The following IGF2BP3 variants were observed in gnomAD, a reference collection of about 807,000 sequenced individuals.
The protein encoded by IGF2BP3 is insulin-like growth factor 2 mRNA-binding protein 3.
In IGF2BP3, 9 loss-of-function variants were observed where a neutral mutation model predicts 73.8. The observed-to-expected ratio is 0.12, with a 90% CI of 0.07 to 0.21. The LOEUF (loss-of-function observed/expected upper bound fraction) is 0.21. IGF2BP3 is among the 10% of genes least tolerant of loss of function. The probability of loss-of-function intolerance (pLI) is 1.00; values close to 1 mark genes in which losing one functional copy is unlikely to be tolerated. For synonymous variants in IGF2BP3, 258 were observed against 256.7 expected (o/e 1.01, Z -0.05); for missense variants, 542 against 714.0 (o/e 0.76, Z 2.75).
At chr7:23,421,688 C>T (rs1189340803) in intron 2 of IGF2BP3, among the ~76,000 whole-genome samples, 2 of 132,128 alleles carry the variant, frequency 1.5e-5, no homozygotes, top group African/African-American at 2.9e-5. Flanking sequence ...GAGACTCCAT[C>T]TCAAAAAAAA....
chr7:23,374,544 G>A (rs904873008), intron 3 of IGF2BP3, among the ~76,000 whole-genome samples: 2 of 152,014 alleles, frequency 1.3e-5, no homozygotes, highest in Admixed American at 1.3e-4. Flanking sequence ...AGATGTGGTG[G>A]TGAGTGCCTG....
At chr7:23,369,382 ATCATACC>A (rs1785479910) in intron 3 of IGF2BP3, among the ~76,000 whole-genome samples, 2 of 152,146 alleles carry the variant, frequency 1.3e-5, no homozygotes, top group African/African-American at 4.8e-5. Flanking sequence ...ATTCAATCAG[ATCATACC>A]TCATTACCCT....
intron 12 of IGF2BP3, among the ~76,000 whole-genome samples, chr7:23,316,269 C>T (rs1783984723): frequency 6.6e-6 from 1 of 152,050 alleles, no homozygotes; most frequent in Non-Finnish European, 1.5e-5. Context: ...AAAAATGGCC[C>T]AGAGAAAATA....
chr7:23,402,081 C>G (rs146918617), intron 3 of IGF2BP3, among the ~76,000 whole-genome samples: 1 of 152,166 alleles, frequency 6.6e-6, no homozygotes, highest in African/African-American at 2.4e-5. Flanking sequence ...TGCACCACTG[C>G]GCTCCAGCCT....
At chr7:23,360,546 A>T (rs565545843) in intron 5 of IGF2BP3, among the ~76,000 whole-genome samples, 9 of 152,234 alleles carry the variant, frequency 5.9e-5, no homozygotes, top group Non-Finnish European at 1.2e-4. Flanking sequence ...ATTTTGAACC[A>T]TGTGAGTGTT....
At chr7:23,468,309 A>T (rs1788616739) in intron 2 of IGF2BP3, among the ~76,000 whole-genome samples, 173 bp downstream of exon 2, 1 of 152,202 alleles carries the variant, frequency 6.6e-6, no homozygotes, top group Admixed American at 6.5e-5. Flanking sequence ...ATTCCTGCCC[A>T]GCATCATCAA....
chr7:23,345,332 T>C (rs1363210537), intron 8 of IGF2BP3, among the ~76,000 whole-genome samples: 1 of 152,232 alleles, frequency 6.6e-6, no homozygotes, highest in Admixed American at 6.5e-5. Flanking sequence ...TAGGGCTGAC[T>C]TGTGTAAACA....
chr7:23,456,781 G>T (rs1788329952), intron 2 of IGF2BP3, among the ~76,000 whole-genome samples: 1 of 152,226 alleles, frequency 6.6e-6, no homozygotes, highest in African/African-American at 2.4e-5. Flanking sequence ...CAGGCGCAGT[G>T]GCTCACGCCC....
intron 10 of IGF2BP3, among the ~76,000 whole-genome samples, chr7:23,330,826 C>G (rs1422937659): frequency 6.6e-6 from 1 of 152,164 alleles, no homozygotes; most frequent in Non-Finnish European, 1.5e-5. Context: ...GAGTCTTGCT[C>G]TTTTGCCCAG....
intron 2 of IGF2BP3, among the ~76,000 whole-genome samples, chr7:23,434,091 TAAAAAA>T (rs11362019): frequency 2.3e-5 from 3 of 129,522 alleles, no homozygotes; most frequent in Admixed American, 7.9e-5. Context: ...AAATTAAAAT[TAAAAAA>T]AAAAAAAAAA....
intron 10 of IGF2BP3, among the ~76,000 whole-genome samples, chr7:23,337,913 CACA>C (rs1464082368): frequency 2.6e-5 from 4 of 152,196 alleles, no homozygotes; most frequent in Non-Finnish European, 5.9e-5. Context: ...GGGAATGGCA[CACA>C]AGGCAGATAG....
chr7:23,393,183 A>C (rs1312856768), intron 3 of IGF2BP3, among the ~76,000 whole-genome samples: 4 of 152,146 alleles, frequency 2.6e-5, no homozygotes, highest in Non-Finnish European at 5.9e-5. Flanking sequence ...CTTTACCTAC[A>C]GAACTGTGCT....
chr7:23,440,346 G>A (rs113239195), intron 2 of IGF2BP3, among the ~76,000 whole-genome samples: 1,594 of 152,064 alleles, frequency 0.01, 20 homozygotes, highest in African/African-American at 0.036. Flanking sequence ...CAAGACAGGA[G>A]AATCACTTCA....
At chr7:23,344,017 T>C (rs1306926102) in intron 8 of IGF2BP3, among the ~76,000 whole-genome samples, 164 bp from the exon 9 acceptor site, 1 of 152,154 alleles carries the variant, frequency 6.6e-6, no homozygotes, top group East Asian at 1.9e-4. Context: ...AAGACGTAAA[T>C]CCGAAACTGT....
At chr7:23,322,725 A>G (rs1051001400) in intron 10 of IGF2BP3, among the ~76,000 whole-genome samples, 12 of 152,228 alleles carry the variant, frequency 7.9e-5, no homozygotes, top group African/African-American at 1.2e-4. Flanking sequence ...CAGATCTCTC[A>G]GCAGAAACTC....
intron 2 of IGF2BP3, among the ~76,000 whole-genome samples, chr7:23,440,709 C>T (rs905264403): frequency 6.6e-6 from 1 of 152,192 alleles, no homozygotes; most frequent in Non-Finnish European, 1.5e-5. Flanking sequence ...CAACCCCTAA[C>T]CACCAGCCAC....
intron 2 of IGF2BP3, among the ~76,000 whole-genome samples, chr7:23,442,237 A>AT (rs1207766010): frequency 6.6e-6 from 1 of 152,246 alleles, no homozygotes; most frequent in African/African-American, 2.4e-5. Context: ...GGCTCAAAAC[A>AT]TAAGTTGAAA....
chr7:23,467,621 C>A (rs80124791), intron 2 of IGF2BP3, among the ~76,000 whole-genome samples: 2,946 of 152,242 alleles, frequency 0.019, 98 homozygotes, highest in African/African-American at 0.068. Context: ...AAAATAGAGC[C>A]GGAATCCGGC....
chr7:23,321,437 C>G (rs1019167273), intron 10 of IGF2BP3, among the ~76,000 whole-genome samples: 6 of 152,192 alleles, frequency 3.9e-5, no homozygotes, highest in African/African-American at 1.2e-4. Flanking sequence ...CACGGAGTCT[C>G]GCTGATTGCT....
Sources: gnomAD v4.1 joint callset for allele counts (sites outside exome capture counted in the v4.1 genomes callset) on GRCh38, gnomAD v4.1.1 for gene constraint, MANE v1.5 for transcripts, NCBI Gene and HGNC (gene_info 2026-07-23, HGNC 2026-07-21) for gene names.